The following LRRC9 variants were observed in gnomAD, a reference collection of about 807,000 sequenced individuals.
LRRC9 encodes the protein leucine-rich repeat-containing protein 9.
LRRC9 carries 122 observed loss-of-function variants against 63.2 expected under a neutral mutation model. The ratio of observed to expected loss-of-function variants is 1.93; its 90% confidence interval spans 1.67 to 2.24. The LOEUF is 2.24. LRRC9 is among the 30% of genes most tolerant of loss of function. The probability of loss-of-function intolerance (pLI) is 0.00; values close to 1 mark genes in which losing one functional copy is unlikely to be tolerated. For synonymous variants in LRRC9, 366 were observed against 213.1 expected (o/e 1.72, Z -6.25); for missense variants, 1,071 against 627.7 (o/e 1.71, Z -7.55).
chr14:59,926,355 A>C (rs1415303485), intron 1 of LRRC9, among the ~76,000 whole-genome samples: 1 of 152,208 alleles, frequency 6.6e-6, no homozygotes. Flanking sequence ...CATGGACTCA[A>C]ATCATCATCT....
exon 29 of LRRC9, chr14:60,032,003 A>G: frequency 1.4e-6 from 1 of 700,852 alleles, no homozygotes; most frequent in Non-Finnish European, 2.6e-6. Flanking sequence ...AGGATATCAC[A>G]GAACTGGAAA....
At chr14:60,062,366 TC>T (rs1349641336) in intron 31 of LRRC9, among the ~76,000 whole-genome samples, 187 bp downstream of exon 32, 2 of 152,162 alleles carry the variant, frequency 1.3e-5, no homozygotes, top group Admixed American at 6.5e-5. Flanking sequence ...TTTCCCAAAG[TC>T]CAGTGTATTT....
At chr14:59,944,857 C>G (rs1882180236) in intron 8 of LRRC9, 113 bp downstream of exon 8, 1 of 450,762 alleles carries the variant, frequency 2.2e-6, no homozygotes, top group Non-Finnish European at 3.8e-6. Context: ...AATACACACA[C>G]ACACACACTC....
intron 23 of LRRC9, among the ~76,000 whole-genome samples, chr14:60,014,763 G>A (rs1204586811): frequency 2.0e-5 from 3 of 151,812 alleles, no homozygotes; most frequent in Non-Finnish European, 4.4e-5. Context: ...TCCTGTCTGA[G>A]GTTTGCTTAG....
chr14:59,985,638 A>G (rs1566845849), intron 17 of LRRC9, among the ~76,000 whole-genome samples: 1 of 152,230 alleles, frequency 6.6e-6, no homozygotes, highest in Non-Finnish European at 1.5e-5. Flanking sequence ...AATTGGAATA[A>G]GCATTTGAAA....
chr14:59,967,759 T>C (rs1566825363), intron 12 of LRRC9, among the ~76,000 whole-genome samples: 1 of 151,986 alleles, frequency 6.6e-6, no homozygotes, highest in Non-Finnish European at 1.5e-5. Context: ...GAGCAGCGCT[T>C]CCCAACCTTT....
In LRRC9 at chr14:60,060,697, C is replaced by A. The variant is rs1277040073; in HGVS notation, c.4277-2626C>A. Reference sequence around the variant, plus strand: ...CGGAGCTTGCAGTGAACCGAGATCGCGCCACTGCTCTCCAGCCTGGGTGAC... The same window carrying A: ...CGGAGCTTGCAGTGAACCGAGATCGAGCCACTGCTCTCCAGCCTGGGTGAC... On this transcript the variant is annotated intron_variant, in intron 31 of 31. Coordinates refer to ENST00000445360, the Ensembl canonical transcript of LRRC9. The surrounding 1 kb of genome is among the most constrained non-coding windows in gnomAD (Gnocchi z 4.0). Among the ~76,000 whole-genome samples the A allele has an allele frequency of 6.6e-6, 1 of 152,072 alleles. No homozygotes were observed. The highest frequency in any genetic ancestry group is 2.4e-5 in the African/African-American group (1 of 41,392).
At chr14:59,949,293 C>T (rs1345430621) in intron 8 of LRRC9, among the ~76,000 whole-genome samples, 3 of 152,182 alleles carry the variant, frequency 2.0e-5, no homozygotes, top group Non-Finnish European at 4.4e-5. Flanking sequence ...TAGTTAATTG[C>T]GTAGAGGTGT....
rs989713744 is a variant in LRRC9, at chr14:60,053,420, C to CACACACAA, written c.4131+216_4131+217insCACACAAA. On this transcript the variant is annotated intron_variant, in intron 30 of 31. Transcript: ENST00000445360. This position sits in a 1 kb window ranked among gnomAD's most constrained non-coding sequence, Gnocchi z 4.8. ...ACACACACACACACACACACACACA[C>CACACACAA]ATATATATGTAAGTCAGGGAACATC... Among the ~76,000 whole-genome samples, 2 of 22,846 alleles carry CACACACAA rather than the reference C, an allele frequency of 8.8e-5. No individual in the cohort carries two copies. The highest frequency in any genetic ancestry group is 3.7e-4 in the Non-Finnish European group (2 of 5,454). The allele number at this position is 22,846 out of a possible 152,430, so 15.0% of individuals were successfully genotyped here.
In LRRC9 at chr14:60,000,426, C is replaced by T. The variant is rs145207805; in HGVS notation, c.2529+1200C>T. Among the ~76,000 whole-genome samples the T allele has an allele frequency of 8.3e-3, 1,262 of 152,096 alleles. 9 individuals are homozygous for T. Among genetic ancestry groups the T allele is most frequent in the Middle Eastern group, 0.021 (6 of 292 alleles). On this transcript the variant is annotated intron_variant, in intron 19 of 31. Transcript: ENST00000445360. Reference sequence around the variant, plus strand: ...CCTTGTAACAAACCTGCACATGTACCCCCTGAATCTAAAATGAAATTAAGA... The same window carrying T: ...CCTTGTAACAAACCTGCACATGTACTCCCTGAATCTAAAATGAAATTAAGA...
chr14:60,047,671 A>G (rs1486691169), intron 29 of LRRC9, among the ~76,000 whole-genome samples: 6 of 152,192 alleles, frequency 3.9e-5, no homozygotes, highest in Admixed American at 3.9e-4. Context: ...CTATAAAGAG[A>G]CTTAGACTCC....
chr14:60,064,698 G>A (rs1028120228), downstream of LRRC9, among the ~76,000 whole-genome samples: 22 of 152,100 alleles, frequency 1.4e-4, no homozygotes, highest in African/African-American at 4.3e-4. Context: ...AGATGTCTTT[G>A]TTGCCCTTTA....
At position 60,003,505 on chromosome 14, in the gene LRRC9, T is replaced by A. The variant is rs1268794033; in HGVS notation, c.2665-116T>A. On this transcript the variant is annotated intron_variant, in intron 20 of 31. Transcript: ENST00000445360. The surrounding 1 kb of genome is among the most constrained non-coding windows in gnomAD (Gnocchi z 4.2). ...ACAATATCTTTAGCTCCTGAAGGAATTCTTTTGATATCTATTTATCACATT... is the reference window on the plus strand; with the variant it reads ...ACAATATCTTTAGCTCCTGAAGGAAATCTTTTGATATCTATTTATCACATT... The A allele has an allele frequency of 5.5e-6, 3 of 548,054 alleles. No homozygotes were observed. Among genetic ancestry groups the A allele is most frequent in the Non-Finnish European group, 9.6e-6 (3 of 313,990 alleles). 33.9% of individuals were successfully genotyped at this position (548,054 alleles called of 1,614,324 possible).
At chr14:59,987,583 C>T (rs770553314) in intron 17 of LRRC9, among the ~76,000 whole-genome samples, 2 of 151,594 alleles carry the variant, frequency 1.3e-5, no homozygotes, top group South Asian at 4.2e-4. Context: ...ACTTAAGATA[C>T]ATCGCTATAT....
intron 23 of LRRC9, among the ~76,000 whole-genome samples, chr14:60,014,126 T>C (rs1017045206): frequency 6.6e-6 from 1 of 152,104 alleles, no homozygotes; most frequent in African/African-American, 2.4e-5. Flanking sequence ...TATACATAAC[T>C]TACTATAGTC....
chr14:59,945,111 G>A (rs1168465011), intron 8 of LRRC9, among the ~76,000 whole-genome samples: 2 of 151,308 alleles, frequency 1.3e-5, no homozygotes, highest in African/African-American at 4.8e-5. Context: ...ATGCCAGTAG[G>A]CTGTGCTCAA....
chr14:59,920,787 A>G (rs1477589317), intron 1 of LRRC9, among the ~76,000 whole-genome samples: 1 of 152,258 alleles, frequency 6.6e-6, no homozygotes, highest in South Asian at 2.1e-4. Flanking sequence ...CTCTATCATT[A>G]TACTCTGGTC....
intron 23 of LRRC9, among the ~76,000 whole-genome samples, chr14:60,011,274 T>C (rs570241225): frequency 6.6e-6 from 1 of 152,158 alleles, no homozygotes; most frequent in African/African-American, 2.4e-5. Context: ...TATAAAACCA[T>C]CAGATCTCAT....
At chr14:60,018,174 C>T (rs940803645) in intron 24 of LRRC9, among the ~76,000 whole-genome samples, 197 bp from the exon 25 acceptor site, 1 of 151,776 alleles carries the variant, frequency 6.6e-6, no homozygotes, top group African/African-American at 2.4e-5. Flanking sequence ...ATGTCACTTT[C>T]TTGCATATGT....
Sources: gnomAD v4.1 joint callset for allele counts (sites outside exome capture counted in the v4.1 genomes callset) on GRCh38, gnomAD v4.1.1 for gene constraint, Gnocchi (gnomAD v3.1) non-coding constraint, MANE v1.5 for transcripts, NCBI Gene and HGNC (gene_info 2026-07-23, HGNC 2026-07-21) for gene names.